Variants in DOCK5 observed in about 807,000 individuals in gnomAD.
DOCK5 encodes dedicator of cytokinesis 5.
In DOCK5, 142 loss-of-function variants were observed where a neutral mutation model predicts 251.8. That is an observed-to-expected ratio of 0.56 (90% CI 0.49 to 0.65). The LOEUF (loss-of-function observed/expected upper bound fraction) is 0.65, where lower values mean the gene tolerates loss of function less well. Ranked by LOEUF, DOCK5 falls within the 30% of genes least tolerant of loss-of-function variation. The pLI is 0.00. For synonymous variants in DOCK5, 842 were observed against 835.5 expected (o/e 1.01, Z -0.13); for missense variants, 2,111 against 2,312.3 (o/e 0.91, Z 1.79).
intron 13 of DOCK5, among the ~76,000 whole-genome samples, chr8:25,313,153 G>A (rs1413917352): frequency 3.3e-5 from 5 of 152,088 alleles, no homozygotes; most frequent in Admixed American, 6.6e-5. Flanking sequence ...CCATCACCAC[G>A]TGAACTCGTT....
intron 22 of DOCK5, among the ~76,000 whole-genome samples, chr8:25,337,340 G>C (rs1805839395): frequency 1.3e-5 from 2 of 152,038 alleles, no homozygotes; most frequent in Admixed American, 6.6e-5. Flanking sequence ...CTGTATTTCA[G>C]TTTTGATGCT....
In DOCK5 at chr8:25,392,303, C is replaced by CA. The variant is rs11309985; in HGVS notation, c.4440+341dup. On this transcript the variant is annotated intron_variant, in intron 43 of 51. Coordinates refer to ENST00000276440, the MANE Select transcript of DOCK5 (RefSeq NM_024940.8). ...TGGGCGACAGAGCGAGACTTCGTCT[C>CA]AAAAAAAAAAAAAAAAAAGGTAAAA... 4.4e-3 allele frequency among the ~76,000 whole-genome samples: 510 copies of CA among 116,288 alleles called. 2 individuals carry two copies. Among genetic ancestry groups the CA allele is most frequent in the Non-Finnish European group, 5.6e-3 (313 of 55,724 alleles). 76.3% of individuals were successfully genotyped at this position (116,288 alleles called of 152,430 possible).
At chr8:25,226,196 G>T (rs1802525571) in intron 1 of DOCK5, among the ~76,000 whole-genome samples, 2 of 151,628 alleles carry the variant, frequency 1.3e-5, no homozygotes, top group African/African-American at 4.8e-5. Flanking sequence ...TTAAAAAGAG[G>T]GTAGTATGTA....
At chr8:25,346,638 A>G (rs1800372622) in intron 26 of DOCK5, among the ~76,000 whole-genome samples, 1 of 103,262 alleles carries the variant, frequency 9.7e-6, no homozygotes, top group Non-Finnish European at 2.0e-5. Context: ...ATCCTGGCTA[A>G]CACAGTGAAA....
chr8:25,363,321 C>T (rs1586364053), intron 29 of DOCK5, among the ~76,000 whole-genome samples, 180 bp downstream of exon 29: 1 of 152,174 alleles, frequency 6.6e-6, no homozygotes, highest in Non-Finnish European at 1.5e-5. Flanking sequence ...AGGGTAATTG[C>T]CTTTGCTCCA....
At chr8:25,188,855 GT>G (rs1801499507) in intron 1 of DOCK5, among the ~76,000 whole-genome samples, 1 of 151,480 alleles carries the variant, frequency 6.6e-6, no homozygotes. Flanking sequence ...TCTTTTTTCT[GT>G]TTGAGCATAT....
intron 5 of DOCK5, among the ~76,000 whole-genome samples, 155 bp downstream of exon 5, chr8:25,278,820 T>A (rs536404100): frequency 1.3e-5 from 2 of 152,206 alleles, no homozygotes; most frequent in East Asian, 1.9e-4. Context: ...GATTCTCATT[T>A]CCCCAGAGCT....
At chr8:25,410,986 C>T (rs1280532199) in intron 51 of DOCK5, among the ~76,000 whole-genome samples, 25 of 93,820 alleles carry the variant, frequency 2.7e-4, no homozygotes, top group African/African-American at 6.5e-4. Flanking sequence ...CGCGCGCGCA[C>T]GCACGCACGC....
chr8:25,187,049 A>T (rs1426792716), intron 1 of DOCK5, among the ~76,000 whole-genome samples: 1 of 151,590 alleles, frequency 6.6e-6, no homozygotes, highest in Non-Finnish European at 1.5e-5. Context: ...ATACGAAAAA[A>T]ATTTAGCCGG....
At chr8:25,221,729 C>T (rs1451542123) in intron 1 of DOCK5, among the ~76,000 whole-genome samples, 1 of 152,182 alleles carries the variant, frequency 6.6e-6, no homozygotes, top group Non-Finnish European at 1.5e-5. Flanking sequence ...GAGCAGTTTT[C>T]GTTCTCATCT....
chr8:25,190,331 C>T (rs988926932), intron 1 of DOCK5, among the ~76,000 whole-genome samples: 1 of 152,196 alleles, frequency 6.6e-6, no homozygotes, highest in African/African-American at 2.4e-5. Context: ...CGTGATACTG[C>T]AGTATATGTA....
chr8:25,391,048 A>G (rs1202083617), intron 42 of DOCK5, among the ~76,000 whole-genome samples: 3 of 151,916 alleles, frequency 2.0e-5, no homozygotes, highest in Non-Finnish European at 4.4e-5. Context: ...AGCTCAGGCA[A>G]TCCGCCCACT....
At chr8:25,325,156 A>C (rs369373575) in intron 17 of DOCK5, among the ~76,000 whole-genome samples, 1 of 152,290 alleles carries the variant, frequency 6.6e-6, no homozygotes, top group South Asian at 2.1e-4. Flanking sequence ...CTAGTTCACA[A>C]CTTATTCTGT....
chr8:25,271,498 C>T (rs1803911246), intron 3 of DOCK5, among the ~76,000 whole-genome samples: 1 of 152,154 alleles, frequency 6.6e-6, no homozygotes, highest in Non-Finnish European at 1.5e-5. Flanking sequence ...CCTCATTTCT[C>T]CGTCTTTAAG....
intron 18 of DOCK5, among the ~76,000 whole-genome samples, chr8:25,327,523 G>A (rs1421796877): frequency 3.3e-5 from 5 of 152,114 alleles, no homozygotes; most frequent in Non-Finnish European, 7.4e-5. Flanking sequence ...AGGAATTTCT[G>A]TTAGAGATAA....
chr8:25,382,067 G>A (rs147802395), intron 39 of DOCK5, among the ~76,000 whole-genome samples: 1 of 152,232 alleles, frequency 6.6e-6, no homozygotes, highest in East Asian at 1.9e-4. Flanking sequence ...AGGCTGGAGT[G>A]CAGTGGTGCA....
intron 36 of DOCK5, among the ~76,000 whole-genome samples, chr8:25,374,094 A>G (rs1800921610): frequency 6.6e-6 from 1 of 152,144 alleles, no homozygotes; most frequent in Admixed American, 6.5e-5. Flanking sequence ...AACATTAAAC[A>G]CCACTGCCTT....
chr8:25,411,454 A>G lies in DOCK5; in HGVS notation c.*156A>G, dbSNP rs1337625985. The G allele has an allele frequency of 9.0e-7, 1 of 1,106,414 alleles. No homozygotes were observed. The highest frequency in any genetic ancestry group is 3.2e-5 in the East Asian group (1 of 30,832). 68.5% of individuals were successfully genotyped at this position (1,106,414 alleles called of 1,614,324 possible). ...CCCAAAACCAGTCATGTTCTTCCAA[A>G]AGCTTCTCTTTGATAGAATTTTGAG... is the stretch of plus-strand genomic sequence containing the variant. On this transcript the variant is annotated 3_prime_UTR_variant, in exon 52 of 52. Coordinates refer to ENST00000276440, the MANE Select transcript of DOCK5 (RefSeq NM_024940.8).
intron 40 of DOCK5, among the ~76,000 whole-genome samples, chr8:25,384,464 T>TTTATTTATTTA (rs1554504700): frequency 1.2e-5 from 1 of 81,180 alleles, no homozygotes; most frequent in African/African-American, 3.8e-5. Flanking sequence ...TATTTATTTA[T>TTTATTTATTTA]TTTTTTTTTT....
Sources: allele counts gnomAD v4.1 joint callset (sites outside exome capture counted in the v4.1 genomes callset), GRCh38; gene constraint gnomAD v4.1.1; transcripts MANE v1.5; gene names NCBI Gene and HGNC (gene_info 2026-07-23, HGNC 2026-07-21).